MARCHF8: variants seen among roughly 807,000 people sequenced by gnomAD.
MARCHF8 encodes the protein E3 ubiquitin-protein ligase MARCHF8.
In MARCHF8, 40 loss-of-function variants were observed where a neutral mutation model predicts 51.6. The observed-to-expected ratio is 0.77, with a 90% CI of 0.60 to 1.01. The LOEUF is 1.01. MARCHF8 is among the 50% of genes least tolerant of loss of function. The probability of loss-of-function intolerance (pLI) is 0.00; values close to 1 mark genes in which losing one functional copy is unlikely to be tolerated. For missense variants in MARCHF8, 685 were observed against 708.6 expected, an observed-to-expected ratio of 0.97 and a Z score of 0.38; for synonymous variants, 263 against 280.3, an observed-to-expected ratio of 0.94 and a Z score of 0.62.
chr10:45,584,871 T>A (rs909691003), intron 1 of MARCHF8, among the ~76,000 whole-genome samples: 1 of 152,202 alleles, frequency 6.6e-6, no homozygotes, highest in Non-Finnish European at 1.5e-5. Flanking sequence ...GCAAGAAATG[T>A]ATGGCCTGTA....
At chr10:45,527,042 A>G (rs1298046199) in intron 2 of MARCHF8, among the ~76,000 whole-genome samples, 1 of 152,234 alleles carries the variant, frequency 6.6e-6, no homozygotes, top group Non-Finnish European at 1.5e-5. Flanking sequence ...GATGAAATTA[A>G]GATGGAAGTT....
chr10:45,535,765 T>A (rs1403993564), upstream of MARCHF8, among the ~76,000 whole-genome samples: 2 of 152,230 alleles, frequency 1.3e-5, no homozygotes, highest in Non-Finnish European at 2.9e-5. Flanking sequence ...ACTAAATTAA[T>A]CTTTACACAG....
At chr10:45,567,098 C>G (rs1264279970) in intron 1 of MARCHF8, among the ~76,000 whole-genome samples, 2 of 152,164 alleles carry the variant, frequency 1.3e-5, no homozygotes, top group Admixed American at 1.3e-4. Flanking sequence ...CTACTAGAAT[C>G]TTTTGCCCAT....
chr10:45,505,523 ACTT>A (rs1261190324), intron 2 of MARCHF8, among the ~76,000 whole-genome samples: 1 of 152,212 alleles, frequency 6.6e-6, no homozygotes, highest in Non-Finnish European at 1.5e-5. Context: ...AAGCCAGAAA[ACTT>A]CTGTTTCCCA....
intron 1 of MARCHF8, among the ~76,000 whole-genome samples, chr10:45,547,124 A>G (rs1337343079): frequency 6.6e-6 from 1 of 152,226 alleles, no homozygotes; most frequent in African/African-American, 2.4e-5. Flanking sequence ...ATAAAACAAT[A>G]GTAAATAAGC....
chr10:45,575,769 C>G (rs1026718809), intron 1 of MARCHF8, among the ~76,000 whole-genome samples: 5 of 152,136 alleles, frequency 3.3e-5, no homozygotes, highest in African/African-American at 1.2e-4. Flanking sequence ...ATCCGGATGG[C>G]CTGAAGTAAC....
chr10:45,556,860 G>C (rs568589571), intron 1 of MARCHF8, among the ~76,000 whole-genome samples: 7 of 152,036 alleles, frequency 4.6e-5, no homozygotes, highest in Non-Finnish European at 8.8e-5. Context: ...TGAGTAAATA[G>C]AATCAAGTAT....
chr10:45,592,744 T>C (rs1341279161), intron 1 of MARCHF8, among the ~76,000 whole-genome samples: 1 of 152,154 alleles, frequency 6.6e-6, no homozygotes, highest in African/African-American at 2.4e-5. Flanking sequence ...CAGCTCTGCT[T>C]TGAGCTGGCA....
chr10:45,594,620 C>T (rs1445509048), exon 1 of MARCHF8: 1 of 151,498 alleles, frequency 6.6e-6, no homozygotes, highest in Non-Finnish European at 1.5e-5. Context: ...CCAGCCCAGC[C>T]CAGCCCAGCC....
chr10:45,578,471 G>A lies in MARCHF8; in HGVS notation c.-79+15764C>T, dbSNP rs2044514489. 3.3e-5 allele frequency among the ~76,000 whole-genome samples: 5 copies of A among 152,176 alleles called. No homozygotes were observed. In the South Asian group the frequency reaches 6.2e-4, roughly 19 times the overall value. On this transcript the variant is annotated intron_variant, in intron 1 of 6. Coordinates refer to the MARCHF8 transcript ENST00000319836. ...TTGAACAAATAAATAAATGGGATGT[G>A]GAGGGAGGAGGGAAAGGTCTTCCTT...
rs372677091 is a variant in MARCHF8, at chr10:45,469,692, C to T, written c.154-5365G>A. On this transcript the variant is annotated intron_variant, in intron 3 of 7. Transcript: ENST00000453424. ...CATCCTGGCTAACACGGTGAAACCC[C>T]GTCTCTACTAAAAATACAAAAAATT... Among the ~76,000 whole-genome samples, 6 of 151,598 alleles carry T rather than the reference C, an allele frequency of 4.0e-5. No individual in the cohort carries two copies. In the South Asian group the frequency reaches 1.0e-3, roughly 26 times the overall value.
chr10:45,460,361 T>C (rs933154911), intron 6 of MARCHF8, among the ~76,000 whole-genome samples: 4 of 152,216 alleles, frequency 2.6e-5, no homozygotes, highest in Non-Finnish European at 5.9e-5. Flanking sequence ...CTTCAAGAAC[T>C]GCTCTAAAAC....
intron 1 of MARCHF8, among the ~76,000 whole-genome samples, chr10:45,566,287 A>C (rs879743296): frequency 6.6e-6 from 1 of 152,176 alleles, no homozygotes; most frequent in African/African-American, 2.4e-5. Context: ...AAACAATCCA[A>C]TTATACTCTA....
chr10:45,470,375 C>T lies in MARCHF8; in HGVS notation c.154-6048G>A, dbSNP rs552360986. Among the ~76,000 whole-genome samples, 97 of 152,336 alleles carry T rather than the reference C, an allele frequency of 6.4e-4. 2 individuals carry two copies. In the South Asian group the frequency reaches 0.019, roughly 31 times the overall value. On this transcript the variant is annotated intron_variant, in intron 3 of 7. Transcript: ENST00000453424. ...ACCTGGGGCAGGCCACATGCATCTGCAGTCACATGACCCCTTCCCATCTTC... is the reference window on the plus strand; with the variant it reads ...ACCTGGGGCAGGCCACATGCATCTGTAGTCACATGACCCCTTCCCATCTTC...
At chr10:45,512,573 G>A (rs1047776334) in intron 2 of MARCHF8, among the ~76,000 whole-genome samples, 32 of 149,972 alleles carry the variant, frequency 2.1e-4, no homozygotes, top group East Asian at 1.0e-3. Context: ...CCCTCTGCCC[G>A]GCCAGCCGCC....
intron 1 of MARCHF8, among the ~76,000 whole-genome samples, chr10:45,575,136 T>C (rs2044474813): frequency 6.6e-6 from 1 of 152,140 alleles, no homozygotes; most frequent in African/African-American, 2.4e-5. Flanking sequence ...CTTATGCTGA[T>C]AAGGTAGCTA....
intron 3 of MARCHF8, among the ~76,000 whole-genome samples, chr10:45,470,788 A>G (rs1002105049): frequency 6.6e-6 from 1 of 152,100 alleles, no homozygotes; most frequent in African/African-American, 2.4e-5. Flanking sequence ...AGCCAGATAA[A>G]CTCACTTGGT....
intron 1 of MARCHF8, among the ~76,000 whole-genome samples, chr10:45,542,702 C>A (rs1488064922): frequency 6.6e-6 from 1 of 152,050 alleles, no homozygotes; most frequent in Non-Finnish European, 1.5e-5. Context: ...TATTTTAGTA[C>A]ACGTATTACT....
rs1589137831 is a variant in MARCHF8 at position 45,512,029 on chromosome 10, A to G, written c.102+21081T>C. 1.5e-5 allele frequency among the ~76,000 whole-genome samples: 2 copies of G among 136,524 alleles called. 1 individual carries two copies. The highest frequency in any genetic ancestry group is 3.1e-5 in the Non-Finnish European group (2 of 63,886). The allele number at this position is 136,524 out of a possible 152,430, so 89.6% of individuals were successfully genotyped here. A position where few individuals can be genotyped will look rare whatever the true frequency, so the allele number is the denominator to read the frequency against. On this transcript the variant is annotated intron_variant, in intron 2 of 7. Coordinates refer to ENST00000453424, the MANE Select transcript of MARCHF8 (RefSeq NM_001282866.2). The stretch of plus-strand genomic sequence containing the variant: ...AGCGCCTCTTCCCGGCCGTCATCCC[A>G]TCTAGGAAGTAAGGAGCGTCTCTGC...
Sources: allele counts gnomAD v4.1 joint callset (sites outside exome capture counted in the v4.1 genomes callset), GRCh38; gene constraint gnomAD v4.1.1; transcripts MANE v1.5; gene names NCBI Gene and HGNC (gene_info 2026-07-23, HGNC 2026-07-21).